GRIK2: variants seen among roughly 807,000 people sequenced by gnomAD.
The protein encoded by GRIK2 is glutamate ionotropic receptor kainate type subunit 2, also known as glutamate receptor ionotropic, kainate 2.
A neutral mutation model predicts 100.3 loss-of-function variants in GRIK2; 32 were observed. The ratio of observed to expected loss-of-function variants is 0.32; its 90% CI spans 0.24 to 0.43. The LOEUF (loss-of-function observed/expected upper bound fraction) is 0.43. Among genes scored for constraint, GRIK2 ranks in the 20% least tolerant of loss-of-function variants. The probability of loss-of-function intolerance (pLI) is 1.00; values close to 1 mark genes in which losing one functional copy is unlikely to be tolerated. For synonymous variants in GRIK2, 417 were observed against 389.4 expected (o/e 1.07, Z -0.83); for missense variants, 843 against 1,114.9 (o/e 0.76, Z 3.47).
At chr6:101,875,429 C>T (rs1477863602) in intron 11 of GRIK2, among the ~76,000 whole-genome samples, 1 of 151,760 alleles carries the variant, frequency 6.6e-6, no homozygotes, top group Non-Finnish European at 1.5e-5. Flanking sequence ...TTTCATTTTG[C>T]TTGGTAGACC....
At chr6:101,550,964 G>T (rs1213067102) in intron 2 of GRIK2, among the ~76,000 whole-genome samples, 1 of 152,156 alleles carries the variant, frequency 6.6e-6, no homozygotes, top group East Asian at 1.9e-4. Flanking sequence ...ATTATTTGGA[G>T]AATTTTATTG....
intron 3 of GRIK2, among the ~76,000 whole-genome samples, chr6:101,624,120 A>G (rs1780313596): frequency 6.6e-6 from 1 of 152,096 alleles, no homozygotes; most frequent in Admixed American, 6.6e-5. Flanking sequence ...TGCTCAATTA[A>G]TAAATACTTT....
intron 12 of GRIK2, among the ~76,000 whole-genome samples, chr6:101,892,083 A>C (rs1301481537): frequency 1.3e-5 from 2 of 152,146 alleles, no homozygotes; most frequent in Admixed American, 6.6e-5. Context: ...TAAATTAACA[A>C]ATTTCCCAGG....
At chr6:102,055,292 G>C (rs1771409435) in intron 15 of GRIK2, 38 bp from the exon 16 acceptor site, 1 of 1,509,024 alleles carries the variant, frequency 6.6e-7, no homozygotes, top group Non-Finnish European at 9.1e-7. Flanking sequence ...GAAATTTCAG[G>C]TTCCTTGAAA....
chr6:101,907,667 G>A (rs959040525), intron 12 of GRIK2, among the ~76,000 whole-genome samples: 2 of 151,588 alleles, frequency 1.3e-5, no homozygotes, highest in Admixed American at 1.3e-4. Flanking sequence ...CGGTTTTTAA[G>A]AGGAATCTGT....
chr6:101,894,243 AT>A (rs1224651981), intron 12 of GRIK2, among the ~76,000 whole-genome samples: 1 of 151,794 alleles, frequency 6.6e-6, no homozygotes, highest in Non-Finnish European at 1.5e-5. Context: ...AGAATACTTA[AT>A]AAATGTTTTA....
intron 12 of GRIK2, among the ~76,000 whole-genome samples, chr6:101,910,836 A>ACGC (rs202069932): frequency 0.085 from 5,084 of 59,886 alleles, 294 homozygotes; most frequent in African/African-American, 0.33. Flanking sequence ...ATACCAACAT[A>ACGC]CACCACACAC....
intron 14 of GRIK2, among the ~76,000 whole-genome samples, chr6:101,967,201 T>C (rs957813189): frequency 6.6e-6 from 1 of 151,940 alleles, no homozygotes; most frequent in African/African-American, 2.4e-5. Flanking sequence ...AGACTTTTCA[T>C]GAGGAACCAA....
intron 14 of GRIK2, among the ~76,000 whole-genome samples, chr6:101,987,654 G>C (rs1035530233): frequency 6.7e-6 from 1 of 149,566 alleles, no homozygotes; most frequent in South Asian, 2.1e-4. Context: ...TAATATATAA[G>C]TATATAGTTA....
At chr6:101,923,444 C>T (rs1789682996) in intron 12 of GRIK2, among the ~76,000 whole-genome samples, 3 of 151,954 alleles carry the variant, frequency 2.0e-5, no homozygotes, top group Non-Finnish European at 4.4e-5. Context: ...ATTATTTGCA[C>T]CTTAATAAGT....
intron 7 of GRIK2, among the ~76,000 whole-genome samples, chr6:101,696,218 G>A (rs1481149316): frequency 6.6e-6 from 1 of 151,654 alleles, no homozygotes; most frequent in Non-Finnish European, 1.5e-5. Context: ...TTTTAGTCAT[G>A]TTCAATTTTA....
At chr6:101,560,293 C>T (rs1776939990) in intron 2 of GRIK2, among the ~76,000 whole-genome samples, 1 of 151,980 alleles carries the variant, frequency 6.6e-6, no homozygotes, top group African/African-American at 2.4e-5. Context: ...AATTTTATAA[C>T]ATATGATAAG....
intron 2 of GRIK2, among the ~76,000 whole-genome samples, chr6:101,401,736 A>C (rs944476818): frequency 2.6e-5 from 4 of 152,192 alleles, no homozygotes; most frequent in Non-Finnish European, 4.4e-5. Flanking sequence ...TTGGTTGAGC[A>C]CGTATAAGCC....
At chr6:102,029,559 A>T (rs1180923602) in intron 14 of GRIK2, among the ~76,000 whole-genome samples, 2 of 151,184 alleles carry the variant, frequency 1.3e-5, no homozygotes, top group South Asian at 4.1e-4. Context: ...AACTTTGAGA[A>T]TGTTCAACAA....
At chr6:101,641,369 A>G (rs1204686855) in intron 4 of GRIK2, among the ~76,000 whole-genome samples, 1 of 152,020 alleles carries the variant, frequency 6.6e-6, no homozygotes, top group Non-Finnish European at 1.5e-5. Context: ...CATTAAAGAA[A>G]GAAAATTAAG....
At chr6:101,976,445 C>A (rs1000888040) in intron 14 of GRIK2, among the ~76,000 whole-genome samples, 1 of 151,826 alleles carries the variant, frequency 6.6e-6, no homozygotes, top group Non-Finnish European at 1.5e-5. Context: ...GCCTGTAAAC[C>A]CAGCACTTTG....
At chr6:101,943,721 T>G (rs1318557941) in intron 14 of GRIK2, among the ~76,000 whole-genome samples, 3 of 152,184 alleles carry the variant, frequency 2.0e-5, no homozygotes, top group African/African-American at 7.2e-5. Flanking sequence ...CCTGTTGCAA[T>G]GGGAGCATTT....
intron 2 of GRIK2, among the ~76,000 whole-genome samples, chr6:101,433,635 T>A (rs1278019585): frequency 4.6e-5 from 7 of 152,242 alleles, no homozygotes; most frequent in African/African-American, 1.7e-4. Context: ...TCAGGTACTA[T>A]TCTTTTTTTT....
chr6:101,567,112 A>G (rs1365784647), intron 2 of GRIK2, among the ~76,000 whole-genome samples: 2 of 151,808 alleles, frequency 1.3e-5, no homozygotes, highest in Non-Finnish European at 2.9e-5. Context: ...TGTTTTACCT[A>G]CAAACATATA....
Sources: allele counts gnomAD v4.1 joint callset (sites outside exome capture counted in the v4.1 genomes callset), GRCh38; gene constraint gnomAD v4.1.1; transcripts MANE v1.5; gene names NCBI Gene and HGNC (gene_info 2026-07-23, HGNC 2026-07-21).